The following FAM117B variants were observed in gnomAD, a reference collection of about 807,000 sequenced individuals.
The protein encoded by FAM117B is protein FAM117B.
FAM117B carries 22 observed loss-of-function variants against 52.8 expected under a neutral mutation model. That is an observed-to-expected ratio of 0.42 (90% CI 0.30 to 0.59). The LOEUF is 0.59. Ranked by LOEUF, FAM117B falls within the 20% of genes least tolerant of loss-of-function variation. FAM117B has a pLI of 0.22. For missense variants in FAM117B, 678 were observed against 802.6 expected (o/e 0.84, Z 1.88); for synonymous variants, 309 against 324.1 (o/e 0.95, Z 0.50).
intron 2 of FAM117B, among the ~76,000 whole-genome samples, chr2:202,715,387 G>A (rs1250690190): frequency 6.7e-6 from 1 of 149,234 alleles, no homozygotes; most frequent in African/African-American, 2.5e-5. Context: ...CAGGCGGAGG[G>A]GCTCCTCACT....
At chr2:202,663,729 A>AC (rs1403653776) in intron 1 of FAM117B, among the ~76,000 whole-genome samples, 4 of 151,684 alleles carry the variant, frequency 2.6e-5, no homozygotes, top group Admixed American at 6.6e-5. Context: ...GATTACAGGC[A>AC]CCCCCTGCCA....
At chr2:202,765,367 CT>C in intron 7 of FAM117B, 78 bp from the exon 8 acceptor site, 1 of 1,335,744 alleles carries the variant, frequency 7.5e-7, no homozygotes, top group Non-Finnish European at 1.0e-6. Context: ...AATAAAAGAG[CT>C]TGTTTCCAAG....
intron 4 of FAM117B, among the ~76,000 whole-genome samples, chr2:202,742,605 A>C (rs1691560730): frequency 6.6e-6 from 1 of 152,208 alleles, no homozygotes; most frequent in South Asian, 2.1e-4. Flanking sequence ...TTCTTCTGTA[A>C]TCTCAGCAGA....
intron 1 of FAM117B, among the ~76,000 whole-genome samples, chr2:202,637,901 G>C (rs1311690155): frequency 2.7e-5 from 4 of 146,358 alleles, no homozygotes; most frequent in African/African-American, 5.1e-5. Flanking sequence ...TTTTAAGATG[G>C]AGTCTCACTC....
chr2:202,755,459 A>T, intron 4 of FAM117B, 79 bp from the exon 5 acceptor site: 1 of 1,526,576 alleles, frequency 6.6e-7, no homozygotes, highest in Non-Finnish European at 8.9e-7. Flanking sequence ...TGAGTTACTT[A>T]TGTCTGTTGG....
chr2:202,747,214 A>G (rs568260846), intron 4 of FAM117B, among the ~76,000 whole-genome samples: 22 of 152,344 alleles, frequency 1.4e-4, no homozygotes, highest in African/African-American at 5.0e-4. Context: ...AAACCATGTG[A>G]TAAAATTCAG....
intron 1 of FAM117B, among the ~76,000 whole-genome samples, chr2:202,662,754 G>A (rs1387660884): frequency 2.0e-5 from 3 of 152,240 alleles, no homozygotes; most frequent in South Asian, 4.1e-4. Flanking sequence ...TGAGGCAGGA[G>A]AATTGCTTGA....
intron 2 of FAM117B, among the ~76,000 whole-genome samples, chr2:202,697,219 A>G (rs1486891272): frequency 6.6e-6 from 1 of 152,222 alleles, no homozygotes; most frequent in Non-Finnish European, 1.5e-5. Flanking sequence ...AACTAGTTAA[A>G]TATTTGTGTA....
chr2:202,635,474 G>T lies in FAM117B; in HGVS notation c.287G>T (p.Arg96Leu). ...GCCTCGCGCAGCACCAGCCCCACGCGCGGCGGCGGGAACGCGGCCGCGCGC... is the reference window on the plus strand; with the variant it reads ...GCCTCGCGCAGCACCAGCCCCACGCTCGGCGGCGGGAACGCGGCCGCGCGC... ...RTASRSTSPTRGGGNAAARTS... is the reference protein window; with the variant it reads ...RTASRSTSPTLGGGNAAARTS... The change falls in exon 1 of 8, where the codon CGC becomes CTC. Residue 96 changes from arginine (R) to leucine (L), a missense_variant. Coordinates refer to ENST00000392238, the MANE Select transcript of FAM117B (RefSeq NM_173511.4). 9.5e-7 allele frequency: 1 copy of T among 1,050,938 alleles called. No individual in the cohort carries two copies. Among genetic ancestry groups the T allele is most frequent in the Non-Finnish European group, 1.1e-6 (1 of 875,752 alleles). The allele number at this position is 1,050,938 out of a possible 1,614,324, so 65.1% of individuals were successfully genotyped here.
At chr2:202,678,882 C>T (rs912645225) in intron 1 of FAM117B, among the ~76,000 whole-genome samples, 1 of 152,094 alleles carries the variant, frequency 6.6e-6, no homozygotes, top group African/African-American at 2.4e-5. Context: ...TTTCTAATGG[C>T]CAGCATTTGC....
intron 1 of FAM117B, among the ~76,000 whole-genome samples, chr2:202,668,543 A>AC (rs1559098244): frequency 6.9e-6 from 1 of 145,544 alleles, no homozygotes; most frequent in Non-Finnish European, 1.5e-5. Flanking sequence ...AAAAAAAAAA[A>AC]AAAGAAAAAG....
chr2:202,719,347 A>G (rs955439335), intron 2 of FAM117B, among the ~76,000 whole-genome samples: 1 of 152,104 alleles, frequency 6.6e-6, no homozygotes, highest in African/African-American at 2.4e-5. Flanking sequence ...GGAATCTTTT[A>G]TATACCTTTG....
At chr2:202,724,251 G>A (rs1245598047) in intron 2 of FAM117B, among the ~76,000 whole-genome samples, 2 of 151,924 alleles carry the variant, frequency 1.3e-5, no homozygotes, top group Admixed American at 1.3e-4. Context: ...CACCATGCTG[G>A]TCAGGCTGTT....
intron 2 of FAM117B, among the ~76,000 whole-genome samples, chr2:202,699,069 A>C (rs575972447): frequency 6.6e-6 from 1 of 152,202 alleles, no homozygotes; most frequent in African/African-American, 2.4e-5. Flanking sequence ...TAAAATATAA[A>C]CCCTATATTC....
intron 4 of FAM117B, among the ~76,000 whole-genome samples, chr2:202,728,891 A>G (rs966762069): frequency 6.6e-6 from 1 of 152,220 alleles, no homozygotes; most frequent in Admixed American, 6.5e-5. Context: ...AAAATAGAGA[A>G]ACTTGAAAAA....
chr2:202,731,394 A>G (rs1001637428), intron 4 of FAM117B, among the ~76,000 whole-genome samples: 1 of 122,952 alleles, frequency 8.1e-6, no homozygotes, highest in East Asian at 2.5e-4. Context: ...CTCCTTCTCA[A>G]TTAAAAAATA....
chr2:202,635,533 T>C lies in FAM117B; in HGVS notation c.346T>C (p.Ser116Pro). Residue 116 changes from serine (S) to proline (P), a missense_variant, in exon 1 of 8, where the codon TCC (serine) becomes CCC (proline). Ser to Pro is a moderately conservative substitution (Grantham distance 74). This residue lies in a region of FAM117B where 583 missense variants were observed against 644.8 expected (regional missense o/e 0.90). Transcript: ENST00000392238. ...SPTVATQTGA[S>P]ATSTRGTSPT... ...CACGGTGGCCACGCAGACGGGCGCG[T>C]CCGCGACGTCCACGCGAGGCACCAG... 1 of 1,149,648 alleles carries C rather than the reference T, an allele frequency of 8.7e-7. No individual in the cohort carries two copies. Among genetic ancestry groups the C allele is most frequent in the Non-Finnish European group, 1.1e-6 (1 of 939,786 alleles). The allele number at this position is 1,149,648 out of a possible 1,614,324, so 71.2% of individuals were successfully genotyped here. A position where few individuals can be genotyped will look rare whatever the true frequency, so the allele number is the denominator to read the frequency against.
At chr2:202,747,393 T>C (rs1169075626) in intron 4 of FAM117B, among the ~76,000 whole-genome samples, 4 of 152,152 alleles carry the variant, frequency 2.6e-5, no homozygotes, top group Non-Finnish European at 2.9e-5. Flanking sequence ...TTTTCACCAG[T>C]TATTCAGTAT....
At chr2:202,649,196 T>C (rs1689918655) in intron 1 of FAM117B, among the ~76,000 whole-genome samples, 1 of 152,250 alleles carries the variant, frequency 6.6e-6, no homozygotes, top group African/African-American at 2.4e-5. Context: ...TTATGTTTTA[T>C]CATTTCATCT....
Sources: allele counts gnomAD v4.1 joint callset (sites outside exome capture counted in the v4.1 genomes callset), GRCh38; gene constraint gnomAD v4.1.1; regional missense constraint gnomAD v4.1.1; transcripts MANE v1.5; gene names NCBI Gene and HGNC (gene_info 2026-07-23, HGNC 2026-07-21).